Variants in CFAP20DC observed in about 807,000 individuals in gnomAD.
CFAP20DC encodes CFAP20 domain containing.
Under a neutral mutation model 101.7 loss-of-function variants are expected in CFAP20DC, and 84 were observed. The ratio of observed to expected loss-of-function variants is 0.83; its 90% CI spans 0.69 to 0.99. CFAP20DC has a LOEUF of 0.99. Ranked by LOEUF, CFAP20DC falls within the 50% of genes least tolerant of loss-of-function variation. The pLI is 0.00. For synonymous variants in CFAP20DC, 359 were observed against 351.2 expected (o/e 1.02, Z -0.25); for missense variants, 1,007 against 970.3 (o/e 1.04, Z -0.50).
At chr3:58,808,012 GA>G (rs1440083228) in intron 14 of CFAP20DC, among the ~76,000 whole-genome samples, 1 of 152,078 alleles carries the variant, frequency 6.6e-6, no homozygotes, top group Non-Finnish European at 1.5e-5. Flanking sequence ...GAAGTTTAGA[GA>G]AAAAAGAATA....
chr3:58,790,106 T>G (rs372919963), intron 15 of CFAP20DC, among the ~76,000 whole-genome samples: 41 of 152,280 alleles, frequency 2.7e-4, no homozygotes, highest in African/African-American at 9.4e-4. Flanking sequence ...TATGGCTCAA[T>G]GAATGATCCC....
chr3:58,811,016 C>A (rs1169759503), intron 14 of CFAP20DC, among the ~76,000 whole-genome samples: 1 of 152,074 alleles, frequency 6.6e-6, no homozygotes, highest in Non-Finnish European at 1.5e-5. Flanking sequence ...AGGACCTCTT[C>A]AAGGAGTACT....
intron 4 of CFAP20DC, among the ~76,000 whole-genome samples, chr3:58,941,343 A>G (rs1232641441): frequency 3.3e-5 from 5 of 150,660 alleles, no homozygotes; most frequent in Non-Finnish European, 7.4e-5. Context: ...AAAAAAAAAA[A>G]AAAAAAAAAA....
rs1180579755 is a variant in CFAP20DC at position 58,724,571 on chromosome 3, C to T, written c.198-6943G>A. ...ATGCTGTTTGAGCACAAAGGAGATT[C>T]GTTTAAATCACTCTTGCTACAGATT... is the stretch of plus-strand genomic sequence containing the variant. On this transcript the variant is annotated intron_variant, in intron 3 of 3. Transcript: ENST00000486145. The surrounding 1 kb of genome is among the most constrained non-coding windows in gnomAD (Gnocchi z 5.6). Among the ~76,000 whole-genome samples the T allele has an allele frequency of 6.6e-6, 1 of 152,176 alleles. No homozygotes were observed. The highest frequency in any genetic ancestry group is 1.5e-5 in the Non-Finnish European group (1 of 68,044).
intron 1 of CFAP20DC, among the ~76,000 whole-genome samples, 188 bp downstream of exon 1, chr3:59,049,423 A>G (rs1434916648): frequency 6.6e-6 from 1 of 152,194 alleles, no homozygotes; most frequent in Non-Finnish European, 1.5e-5. Context: ...AAGCCAAATC[A>G]TACGCCTAGA....
At chr3:58,996,427 CTTGT>C (rs2093137040) in intron 4 of CFAP20DC, among the ~76,000 whole-genome samples, 2 of 152,114 alleles carry the variant, frequency 1.3e-5, no homozygotes, top group Non-Finnish European at 2.9e-5. Context: ...TGTGATTTAT[CTTGT>C]TTGTAATTTT....
chr3:58,800,491 A>G (rs1298426576), intron 15 of CFAP20DC, among the ~76,000 whole-genome samples: 1 of 152,170 alleles, frequency 6.6e-6, no homozygotes, highest in Non-Finnish European at 1.5e-5. Flanking sequence ...GAGTGAAGAA[A>G]GAATAGATTT....
At chr3:58,910,816 GAA>G (rs749629354) in intron 6 of CFAP20DC, among the ~76,000 whole-genome samples, 1 of 151,768 alleles carries the variant, frequency 6.6e-6, no homozygotes, top group Non-Finnish European at 1.5e-5. Flanking sequence ...TTCAGAGGAA[GAA>G]AACACCACCT....
intron 3 of CFAP20DC, chr3:58,726,966 C>G (rs1206193573): frequency 4.0e-6 from 1 of 249,374 alleles, no homozygotes; most frequent in Admixed American, 6.0e-5. Flanking sequence ...TGAGAGCGAC[C>G]CATCCCTTCC....
chr3:58,720,310 T>C (rs941343017), intron 3 of CFAP20DC, among the ~76,000 whole-genome samples: 10 of 152,252 alleles, frequency 6.6e-5, no homozygotes, highest in Non-Finnish European at 1.2e-4. Flanking sequence ...TTAAGTTCTC[T>C]GAGCCTCAGT....
chr3:58,955,801 T>C (rs2090572119), intron 4 of CFAP20DC, among the ~76,000 whole-genome samples: 1 of 151,426 alleles, frequency 6.6e-6, no homozygotes, highest in African/African-American at 2.4e-5. Flanking sequence ...CCTTTTCTTC[T>C]GCTTGAGGAA....
intron 4 of CFAP20DC, among the ~76,000 whole-genome samples, chr3:58,991,913 A>G (rs1031398580): frequency 4.6e-5 from 7 of 152,226 alleles, no homozygotes; most frequent in Non-Finnish European, 8.8e-5. Flanking sequence ...TAGATAAGTC[A>G]GCAAAATAAG....
intron 4 of CFAP20DC, chr3:58,953,506 G>A (rs2090340349): frequency 6.6e-6 from 1 of 152,188 alleles, no homozygotes; most frequent in South Asian, 2.1e-4. Context: ...GAGGGCTTAT[G>A]CTACTGTCTT....
At chr3:59,049,393 C>G (rs1191075619) in intron 1 of CFAP20DC, among the ~76,000 whole-genome samples, 2 of 152,180 alleles carry the variant, frequency 1.3e-5, no homozygotes, top group African/African-American at 2.4e-5. Context: ...TTAAGAAACA[C>G]TGAGTTGGAG....
chr3:58,774,131 C>G (rs1290489984), intron 15 of CFAP20DC, among the ~76,000 whole-genome samples: 2 of 151,822 alleles, frequency 1.3e-5, no homozygotes, highest in Non-Finnish European at 2.9e-5. Flanking sequence ...AGTTTATCTG[C>G]TTAAAACAGA....
chr3:58,914,324 G>A lies in CFAP20DC; in HGVS notation c.394-460C>T, dbSNP rs758115954. ...AAGCTGGGTTTAAATTATGGTCAGT[G>A]CTGTCTACTTATAACCAATTAACCT... On this transcript the variant is annotated intron_variant, in intron 5 of 16. Transcript: ENST00000482387. This position sits in a 1 kb window ranked among gnomAD's most constrained non-coding sequence, Gnocchi z 4.9. Among the ~76,000 whole-genome samples the A allele has an allele frequency of 2.0e-5, 3 of 152,130 alleles. No homozygotes were observed. Among genetic ancestry groups the A allele is most frequent in the Non-Finnish European group, 4.4e-5 (3 of 68,020 alleles).
At chr3:58,930,805 AG>A (rs200253410) in intron 5 of CFAP20DC, among the ~76,000 whole-genome samples, 2,732 of 152,350 alleles carry the variant, frequency 0.018, 71 homozygotes, top group African/African-American at 0.061. Flanking sequence ...ATGGCCGAAT[AG>A]GAACAGCTCC....
At chr3:58,936,676 G>A (rs186075069) in intron 5 of CFAP20DC, among the ~76,000 whole-genome samples, 2 of 152,162 alleles carry the variant, frequency 1.3e-5, no homozygotes, top group Admixed American at 1.3e-4. Flanking sequence ...TCGCAAGGAC[G>A]GAAAACCAAA....
chr3:58,816,798 G>A (rs528435009), intron 14 of CFAP20DC, among the ~76,000 whole-genome samples: 2 of 152,248 alleles, frequency 1.3e-5, no homozygotes, highest in South Asian at 4.1e-4. Flanking sequence ...ACAGCTCAAG[G>A]AGGCCTGCCT....
Sources: allele counts gnomAD v4.1 joint callset (sites outside exome capture counted in the v4.1 genomes callset), GRCh38; gene constraint gnomAD v4.1.1; non-coding constraint Gnocchi (gnomAD v3.1); transcripts MANE v1.5; gene names NCBI Gene and HGNC (gene_info 2026-07-23, HGNC 2026-07-21).